Variants in ROCK1 observed in about 807,000 individuals in gnomAD.
ROCK1 encodes the protein Rho associated coiled-coil containing protein kinase 1, also known as rho-associated protein kinase 1.
In ROCK1, 36 loss-of-function variants were observed where a neutral mutation model predicts 196.8. The ratio of observed to expected loss-of-function variants is 0.18; its 90% confidence interval spans 0.14 to 0.24. The LOEUF (loss-of-function observed/expected upper bound fraction) is 0.24. ROCK1 is among the 10% of genes least tolerant of loss of function. The pLI is 1.00. For synonymous variants in ROCK1, 443 were observed against 515.9 expected (o/e 0.86, Z 1.91); for missense variants, 920 against 1,562.0 (o/e 0.59, Z 6.93).
intron 3 of ROCK1, 45 bp downstream of exon 3, chr18:21,049,735 T>C: frequency 8.8e-7 from 1 of 1,138,788 alleles, no homozygotes; most frequent in Non-Finnish European, 1.3e-6. Context: ...AGTGGATTAT[T>C]TTAATTTAAT....
At chr18:21,094,090 G>A (rs1374751205) in intron 1 of ROCK1, among the ~76,000 whole-genome samples, 1 of 152,218 alleles carries the variant, frequency 6.6e-6, no homozygotes, top group Admixed American at 6.5e-5. Context: ...GAAGCTGTTA[G>A]ATATAAAGTT....
intron 1 of ROCK1, 73 bp downstream of exon 1, chr18:21,110,745 G>A (rs2036743586): frequency 2.5e-6 from 3 of 1,212,134 alleles, no homozygotes; most frequent in Non-Finnish European, 3.7e-6. Context: ...CTTTTGCAGC[G>A]AACCAGACTA....
Position 21,006,424 on chromosome 18 carries a change from G to C in ROCK1, c.1812C>G (p.Tyr604Ter). 6.2e-7 allele frequency: 1 copy of C among 1,613,522 alleles called. No homozygotes were observed. Among genetic ancestry groups the C allele is most frequent in the Non-Finnish European group, 8.5e-7 (1 of 1,179,916 alleles). Reference protein sequence around the residue: ...NSKSQTDKDYYQLQAILEAER... With the variant: ...NSKSQTDKDY Reference sequence around the variant, plus strand: ...CAGCTTCTAATATAGCTTGCAGCTGGTAATAATCTTTGTCTGTTTGTGACT... The same window carrying C: ...CAGCTTCTAATATAGCTTGCAGCTGCTAATAATCTTTGTCTGTTTGTGACT... The change falls in exon 16 of 33, where the codon TAC (tyrosine) becomes TAG (stop). Residue 604 changes from tyrosine (Y) to a stop codon, truncating the protein, a stop_gained. Transcript: ENST00000399799. LOFTEE classifies it high-confidence loss of function.
chr18:20,986,863 G>T (rs2035582424), intron 19 of ROCK1, 87 bp downstream of exon 19: 2 of 1,150,276 alleles, frequency 1.7e-6, no homozygotes, highest in Non-Finnish European at 1.2e-6. Context: ...CTCCTTCATG[G>T]TGTTTAAATT....
chr18:21,107,797 T>C (rs191792182), intron 1 of ROCK1, among the ~76,000 whole-genome samples: 48 of 152,350 alleles, frequency 3.2e-4, no homozygotes, highest in Admixed American at 2.5e-3. Flanking sequence ...CTCACGCCTG[T>C]AATCCCAGTA....
chr18:20,990,824 C>T (rs1372163644), intron 18 of ROCK1, among the ~76,000 whole-genome samples: 2 of 151,546 alleles, frequency 1.3e-5, no homozygotes, highest in Non-Finnish European at 1.5e-5. Flanking sequence ...ACAGTGACAC[C>T]ATCTCGGCTC....
chr18:21,083,546 T>C (rs908995714), intron 1 of ROCK1, among the ~76,000 whole-genome samples: 2 of 152,176 alleles, frequency 1.3e-5, no homozygotes, highest in Admixed American at 1.3e-4. Flanking sequence ...CCACCTCTGC[T>C]ACCCATGAAA....
At chr18:21,092,676 C>T (rs1300627703) in intron 1 of ROCK1, among the ~76,000 whole-genome samples, 1 of 150,038 alleles carries the variant, frequency 6.7e-6, no homozygotes, top group Non-Finnish European at 1.5e-5. Context: ...TTTTTTAAAC[C>T]ACATTTTTTA....
At position 21,049,535 on chromosome 18, in the gene ROCK1, T is replaced by C. The variant is rs191982653; in HGVS notation, c.276+245A>G. 5.3e-5 allele frequency among the ~76,000 whole-genome samples: 8 copies of C among 152,350 alleles called. No homozygotes were observed. The East Asian group carries it at 1.5e-3, about 29-fold the overall frequency. ...ACTGTTCTACAGCATTTTAGTCTAA[T>C]ATTAGGAGCAAAGATTTATCTTCTG... On this transcript the variant is annotated intron_variant, in intron 3 of 32. Coordinates refer to ENST00000399799, the MANE Select transcript of ROCK1 (RefSeq NM_005406.3).
chr18:21,052,614 C>G (rs1415720895), intron 2 of ROCK1, among the ~76,000 whole-genome samples: 1 of 152,158 alleles, frequency 6.6e-6, no homozygotes, highest in Non-Finnish European at 1.5e-5. Context: ...GGTAGGCAAG[C>G]ATTACCATCT....
rs553398109 is a variant in ROCK1 at position 21,091,305 on chromosome 18, G to GTAAATATATATAAGATATA, written c.93+19512_93+19513insTATATCTTATATATATTTA. On this transcript the variant is annotated intron_variant, in intron 1 of 32. Transcript: ENST00000399799. ...TAGCTTACTTTACTGTAAGAATACA[G>GTAAATATATATAAGATATA]TATATAAGATATATAATAGCCAGGA... 5.9e-3 allele frequency among the ~76,000 whole-genome samples: 905 copies of GTAAATATATATAAGATATA among 152,154 alleles called. 8 individuals are homozygous for GTAAATATATATAAGATATA. Among genetic ancestry groups the GTAAATATATATAAGATATA allele is most frequent in the South Asian group, 0.011 (53 of 4,810 alleles).
chr18:20,957,469 G>T (rs1297327333), intron 29 of ROCK1, among the ~76,000 whole-genome samples: 1 of 152,136 alleles, frequency 6.6e-6, no homozygotes, highest in Non-Finnish European at 1.5e-5. Flanking sequence ...AGAGGCACAA[G>T]TGAGCTTTCC....
intron 22 of ROCK1, 95 bp from the exon 23 acceptor site, chr18:20,970,608 T>C (rs2035416883): frequency 2.6e-6 from 2 of 783,132 alleles, no homozygotes; most frequent in South Asian, 4.6e-5. Context: ...CTTTAAATGA[T>C]AAAAAGAATT....
intron 16 of ROCK1, among the ~76,000 whole-genome samples, chr18:20,996,848 T>G (rs34945520): frequency 6.6e-6 from 1 of 152,212 alleles, no homozygotes; most frequent in Non-Finnish European, 1.5e-5. Flanking sequence ...TGTTAGTTTG[T>G]TAATGCCATC....
chr18:21,019,797 TAA>T (rs74444752), intron 12 of ROCK1, among the ~76,000 whole-genome samples: 20 of 132,598 alleles, frequency 1.5e-4, no homozygotes, highest in Non-Finnish European at 1.6e-4. Flanking sequence ...GACTCCATCT[TAA>T]AAAAAAAAAA....
At chr18:21,055,969 C>T (rs2143527570) in intron 2 of ROCK1, among the ~76,000 whole-genome samples, 1 of 152,318 alleles carries the variant, frequency 6.6e-6, no homozygotes, top group East Asian at 1.9e-4. Context: ...GGCTTTAACA[C>T]TTCAATCACT....
chr18:21,018,393 G>A (rs937649358), intron 12 of ROCK1, among the ~76,000 whole-genome samples: 2 of 152,006 alleles, frequency 1.3e-5, no homozygotes, highest in African/African-American at 4.8e-5. Context: ...AGCCAGGCGT[G>A]GTGGCAGGAG....
intron 1 of ROCK1, among the ~76,000 whole-genome samples, chr18:21,094,532 G>A (rs2036596568): frequency 6.6e-6 from 1 of 151,450 alleles, no homozygotes; most frequent in Non-Finnish European, 1.5e-5. Context: ...AAGCCGAGGA[G>A]TTTGAGACCA....
intron 1 of ROCK1, among the ~76,000 whole-genome samples, chr18:21,106,447 C>G (rs72879444): frequency 1.3e-5 from 2 of 152,160 alleles, no homozygotes; most frequent in Non-Finnish European, 2.9e-5. Context: ...CCACTGCACC[C>G]GGCCTTGTTT....
Sources: gnomAD v4.1 joint callset for allele counts (sites outside exome capture counted in the v4.1 genomes callset) on GRCh38, gnomAD v4.1.1 for gene constraint, MANE v1.5 for transcripts, NCBI Gene and HGNC (gene_info 2026-07-23, HGNC 2026-07-21) for gene names.